The following ELMO1 variants were observed in gnomAD, a reference collection of about 807,000 sequenced individuals.
ELMO1 encodes engulfment and cell motility protein 1.
In ELMO1, 26 loss-of-function variants were observed where a neutral mutation model predicts 98.9. The observed-to-expected ratio is 0.26, with a 90% CI of 0.19 to 0.36. The LOEUF is 0.36. Ranked by LOEUF, ELMO1 falls within the 10% of genes least tolerant of loss-of-function variation. ELMO1 has a pLI of 1.00. For synonymous variants in ELMO1, 346 were observed against 346.0 expected (o/e 1.00, Z 0.00); for missense variants, 627 against 935.2 (o/e 0.67, Z 4.30).
At chr7:37,020,032 T>C (rs777620149) in intron 15 of ELMO1, among the ~76,000 whole-genome samples, 2 of 152,200 alleles carry the variant, frequency 1.3e-5, no homozygotes, top group Non-Finnish European at 2.9e-5. Context: ...GGGCAGGTAT[T>C]GTCACTGGCT....
At chr7:36,956,423 T>A (rs1427547380) in intron 16 of ELMO1, among the ~76,000 whole-genome samples, 1 of 152,186 alleles carries the variant, frequency 6.6e-6, no homozygotes, top group Non-Finnish European at 1.5e-5. Flanking sequence ...AGTCAGAAAC[T>A]TTCAAAACAA....
In ELMO1 at chr7:36,854,804, A is replaced by G. The variant is rs1802079081; in HGVS notation, c.*747T>C. On this transcript the variant is annotated 3_prime_UTR_variant, in exon 22 of 22. Transcript: ENST00000310758. ...CTAAGAGGCTGGGAGCGTGGGTGGAAATGAAGAAGGCAGTTCTGGCCTGGG... is the reference window on the plus strand; with the variant it reads ...CTAAGAGGCTGGGAGCGTGGGTGGAGATGAAGAAGGCAGTTCTGGCCTGGG... The G allele has an allele frequency of 6.5e-6, 1 of 153,394 alleles. No homozygotes were observed. The highest frequency in any genetic ancestry group is 2.4e-5 in the African/African-American group (1 of 41,436). 9.5% of individuals were successfully genotyped at this position (153,394 alleles called of 1,614,324 possible). A position where few individuals can be genotyped will look rare whatever the true frequency, so the allele number is the denominator to read the frequency against.
intron 15 of ELMO1, among the ~76,000 whole-genome samples, chr7:37,049,944 A>C (rs1562922429): frequency 6.6e-6 from 1 of 150,630 alleles, no homozygotes; most frequent in Non-Finnish European, 1.5e-5. Context: ...TGCCTGGCTA[A>C]TTTTTTTGTA....
intron 20 of ELMO1, among the ~76,000 whole-genome samples, chr7:36,865,421 G>C (rs1173609471): frequency 1.3e-5 from 2 of 152,170 alleles, no homozygotes; most frequent in East Asian, 3.8e-4. Flanking sequence ...GTACATAACA[G>C]AGATTACCTT....
chr7:36,984,127 T>C (rs1386577533), intron 16 of ELMO1, among the ~76,000 whole-genome samples: 3 of 152,168 alleles, frequency 2.0e-5, no homozygotes, highest in Admixed American at 6.5e-5. Flanking sequence ...ACGAGCTGAC[T>C]GTCACTTAAT....
chr7:37,245,841 T>G (rs1418833761), intron 6 of ELMO1, among the ~76,000 whole-genome samples: 1 of 151,938 alleles, frequency 6.6e-6, no homozygotes, highest in African/African-American at 2.4e-5. Context: ...GACACAGAAG[T>G]CAGCTTGAAA....
chr7:36,891,606 A>G (rs1805555459), intron 17 of ELMO1, among the ~76,000 whole-genome samples: 1 of 152,228 alleles, frequency 6.6e-6, no homozygotes, highest in Non-Finnish European at 1.5e-5. Flanking sequence ...ACGGGCTAAT[A>G]AGACAGAACA....
chr7:37,427,000 AT>A (rs1197596431), intron 1 of ELMO1, among the ~76,000 whole-genome samples: 2 of 152,102 alleles, frequency 1.3e-5, no homozygotes, highest in African/African-American at 4.8e-5. Flanking sequence ...TGCTAAAAAG[AT>A]TCTACGTCTT....
At chr7:36,953,839 TTGTGTGTGTGTGTGTGTGTG>T (rs10522376) in intron 16 of ELMO1, among the ~76,000 whole-genome samples, 7,422 of 136,244 alleles carry the variant, frequency 0.054, 234 homozygotes, top group African/African-American at 0.07. Context: ...TGGGTATGTT[TTGTGTGTGTGTGTGTGTGTG>T]TGTGTGTGTG....
At chr7:37,067,500 T>G (rs564310591) in intron 15 of ELMO1, among the ~76,000 whole-genome samples, 19 of 152,346 alleles carry the variant, frequency 1.2e-4, no homozygotes, top group African/African-American at 4.3e-4. Context: ...CTTCCCATAC[T>G]TCCTTTTCTA....
At chr7:36,988,037 C>A (rs1054669310) in intron 16 of ELMO1, among the ~76,000 whole-genome samples, 1 of 152,192 alleles carries the variant, frequency 6.6e-6, no homozygotes, top group Admixed American at 6.5e-5. Flanking sequence ...GGATTACAGG[C>A]GGGAGCCACG....
At chr7:37,011,706 G>A (rs1426906481) in intron 16 of ELMO1, among the ~76,000 whole-genome samples, 4 of 152,196 alleles carry the variant, frequency 2.6e-5, no homozygotes, top group Admixed American at 1.3e-4. Context: ...CAAAGCTGAG[G>A]ACTGGATGGC....
intron 14 of ELMO1, among the ~76,000 whole-genome samples, chr7:37,119,683 ATTTAC>A (rs1201605424): frequency 6.6e-6 from 1 of 152,188 alleles, no homozygotes; most frequent in Non-Finnish European, 1.5e-5. Flanking sequence ...TCATAGACTT[ATTTAC>A]TTGACATATT....
At chr7:37,025,344 G>A (rs1349900472) in intron 15 of ELMO1, among the ~76,000 whole-genome samples, 1 of 152,182 alleles carries the variant, frequency 6.6e-6, no homozygotes, top group Non-Finnish European at 1.5e-5. Context: ...TATCTTCTGG[G>A]AGTGGTATTG....
At chr7:37,399,194 A>G (rs1209956882) in intron 1 of ELMO1, among the ~76,000 whole-genome samples, 4 of 152,198 alleles carry the variant, frequency 2.6e-5, no homozygotes, top group Non-Finnish European at 4.4e-5. Context: ...CTGCCAGGAA[A>G]TGCCCATGAG....
At chr7:37,268,749 C>T (rs1270389234) in intron 5 of ELMO1, among the ~76,000 whole-genome samples, 2 of 152,192 alleles carry the variant, frequency 1.3e-5, no homozygotes, top group Non-Finnish European at 2.9e-5. Context: ...ATGAATTAAA[C>T]AGTGCAGGTT....
chr7:37,294,999 CAA>C (rs58126730), intron 4 of ELMO1, among the ~76,000 whole-genome samples: 51,017 of 129,478 alleles, frequency 0.39, 9,592 homozygotes, highest in Middle Eastern at 0.58. Flanking sequence ...AACTCCGCCT[CAA>C]AAAAAAAAAA....
At chr7:36,858,472 G>A (rs1802372982) in intron 21 of ELMO1, among the ~76,000 whole-genome samples, 1 of 152,180 alleles carries the variant, frequency 6.6e-6, no homozygotes, top group African/African-American at 2.4e-5. Context: ...GCAGATTGCG[G>A]TGGGAAAAAT....
chr7:36,870,280 G>A lies in ELMO1; in HGVS notation c.1905+113C>T, dbSNP rs965793568. Reference sequence around the variant, plus strand: ...AACAGGAGAGCTGAATAAGAGATGTGTGTCTGAACACACGCACACACACGA... The same window carrying A: ...AACAGGAGAGCTGAATAAGAGATGTATGTCTGAACACACGCACACACACGA... On this transcript the variant is annotated intron_variant, in intron 20 of 21. Coordinates refer to ENST00000310758, the MANE Select transcript of ELMO1 (RefSeq NM_014800.11). This position sits in a 1 kb window ranked among gnomAD's most constrained non-coding sequence, Gnocchi z 4.4. The A allele has an allele frequency of 2.4e-6, 2 of 820,070 alleles. No homozygotes were observed. The highest frequency in any genetic ancestry group is 4.0e-6 in the Non-Finnish European group (2 of 499,404). 50.8% of individuals were successfully genotyped at this position (820,070 alleles called of 1,614,324 possible). A position where few individuals can be genotyped will look rare whatever the true frequency, so the allele number is the denominator to read the frequency against.
Sources: gnomAD v4.1 joint callset for allele counts (sites outside exome capture counted in the v4.1 genomes callset) on GRCh38, gnomAD v4.1.1 for gene constraint, Gnocchi (gnomAD v3.1) non-coding constraint, MANE v1.5 for transcripts, NCBI Gene and HGNC (gene_info 2026-07-23, HGNC 2026-07-21) for gene names.